The following ACOX1 variants were observed in gnomAD, a reference collection of about 807,000 sequenced individuals.
ACOX1 encodes peroxisomal acyl-coenzyme A oxidase 1.
Under a neutral mutation model 75.5 loss-of-function variants are expected in ACOX1, and 41 were observed. The observed-to-expected ratio is 0.54, with a 90% CI of 0.42 to 0.70. ACOX1 has a LOEUF of 0.70. Ranked by LOEUF, ACOX1 falls within the 30% of genes least tolerant of loss-of-function variation. The pLI, the probability that ACOX1 is intolerant of heterozygous loss-of-function variation, is 0.00. For missense variants in ACOX1, 630 were observed against 837.5 expected (o/e 0.75, Z 3.06); for synonymous variants, 303 against 298.8 (o/e 1.01, Z -0.15).
Position 75,955,645 on chromosome 17 carries a change from T to C in ACOX1, c.695A>G (p.Tyr232Cys), listed in dbSNP as rs554409907. The change falls in exon 6 of 14, where the codon TAT becomes TGT. Residue 232 changes from tyrosine to cysteine, a missense_variant. Transcript: ENST00000293217. ...TVGDIGPKFG[Y>C]DEIDNGYLKM... ...GAGGTAGCCATTGTCTATCTCATCATAACCAAATTTGGGGCCGATGTCACC... is the reference window on the plus strand; with the variant it reads ...GAGGTAGCCATTGTCTATCTCATCACAACCAAATTTGGGGCCGATGTCACC... 6.2e-7 allele frequency: 1 copy of C among 1,614,224 alleles called. No homozygotes were observed. The highest frequency in any genetic ancestry group is 1.1e-5 in the South Asian group (1 of 91,092).
chr17:75,973,551 A>G, intron 2 of ACOX1: 1 of 1,522,198 alleles, frequency 6.6e-7, no homozygotes, highest in Admixed American at 1.7e-5. Context: ...CAGCAGAAAA[A>G]AGTCAAATGC....
intron 2 of ACOX1, among the ~76,000 whole-genome samples, chr17:75,976,367 C>A (rs752455214): frequency 2.0e-5 from 3 of 152,102 alleles, no homozygotes; most frequent in Non-Finnish European, 2.9e-5. Context: ...GTTATGAAAT[C>A]ATCTCTATCA....
chr17:75,956,687 C>CAA (rs60686701), intron 4 of ACOX1, among the ~76,000 whole-genome samples: 8,116 of 103,768 alleles, frequency 0.078, 716 homozygotes, highest in African/African-American at 0.25. Context: ...GACTCCATCT[C>CAA]AAAAAAAAAA....
In ACOX1 at chr17:75,960,370, A is replaced by G. The variant is rs747427388; in HGVS notation, c.275T>C (p.Val92Ala). ...CAGAGGCTCAGGCCGCCCTCGGTGC[A>G]CAAAACTTCGAGGAAATATCAAGGA... The part of the protein sequence containing the change: ...PDEIMWFKNF[V>A]HRGRPEPLDL... The change falls in exon 3 of 14, where the codon GTG becomes GCG. Residue 92 changes from valine to alanine, a missense_variant. Physicochemically the swap from Val to Ala is moderately conservative, Grantham distance 64. Coordinates refer to ENST00000293217, the MANE Select transcript of ACOX1 (RefSeq NM_004035.7). This position sits in a 1 kb window ranked among gnomAD's most constrained non-coding sequence, Gnocchi z 4.4. 1 of 1,613,720 alleles carries G rather than the reference A, an allele frequency of 6.2e-7. No individual in the cohort carries two copies. The highest frequency in any genetic ancestry group is 1.3e-5 in the African/African-American group (1 of 74,942).
intron 2 of ACOX1, among the ~76,000 whole-genome samples, chr17:75,969,792 A>G (rs1208566830): frequency 6.6e-6 from 1 of 152,174 alleles, no homozygotes; most frequent in Non-Finnish European, 1.5e-5. Context: ...TCCTAAATAG[A>G]TGGTAATACG....
intron 8 of ACOX1, 75 bp from the exon 9 acceptor site, chr17:75,951,039 C>T: frequency 1.4e-6 from 2 of 1,450,054 alleles, no homozygotes; most frequent in Non-Finnish European, 1.9e-6. Context: ...AAACACACCC[C>T]TCCTCTAACA....
intron 6 of ACOX1, 96 bp downstream of exon 6, chr17:75,955,470 C>T: frequency 9.6e-7 from 1 of 1,041,976 alleles, no homozygotes; most frequent in South Asian, 1.3e-5. Context: ...GCTGTTATTA[C>T]CTTCTAAAAG....
chr17:75,967,266 C>T (rs749635893), intron 2 of ACOX1, among the ~76,000 whole-genome samples: 12 of 151,854 alleles, frequency 7.9e-5, no homozygotes, highest in Non-Finnish European at 1.2e-4. Context: ...GTCAGGAGAT[C>T]GAGACCATCC....
chr17:75,965,936 C>A (rs372388662), intron 2 of ACOX1, among the ~76,000 whole-genome samples: 1 of 151,770 alleles, frequency 6.6e-6, no homozygotes, highest in Non-Finnish European at 1.5e-5. Flanking sequence ...TCGAGACCAG[C>A]CTGGCCAACA....
rs1309405150 is a variant in ACOX1, at chr17:75,955,748, C to T, written c.659-67G>A. The T allele has an allele frequency of 2.0e-5, 33 of 1,612,242 alleles. No homozygotes were observed. The East Asian group carries it at 7.1e-4, about 35-fold the overall frequency. ...GGAATTTCTGGCTTTTGCTCCGCCT[C>T]TTCAGTTGGGCATTCTACCTTTTGC... On this transcript the variant is annotated intron_variant, in intron 5 of 13. Coordinates refer to ENST00000293217, the MANE Select transcript of ACOX1 (RefSeq NM_004035.7).
Position 75,978,239 on chromosome 17 carries a change from C to G in ACOX1, c.269+295G>C, listed in dbSNP as rs551010013. ...CCTCCCGAGTAGCTGGAACTACAGG[C>G]GCCCGCCACCACGCCCGGCTAATTT... On this transcript the variant is annotated intron_variant, in intron 2 of 13. Transcript: ENST00000293217. This position sits in a 1 kb window ranked among gnomAD's most constrained non-coding sequence, Gnocchi z 4.2. Among the ~76,000 whole-genome samples, 1 of 152,156 alleles carries G rather than the reference C, an allele frequency of 6.6e-6. No individual in the cohort carries two copies. Among genetic ancestry groups the G allele is most frequent in the African/African-American group, 2.4e-5 (1 of 41,502 alleles).
chr17:75,943,684 A>C lies in ACOX1; in HGVS notation c.*3064T>G, dbSNP rs1402010868. 2 of 152,246 alleles carry C rather than the reference A, an allele frequency of 1.3e-5. No homozygotes were observed. Among genetic ancestry groups the C allele is most frequent in the African/African-American group, 4.8e-5 (2 of 41,462 alleles). 9.4% of individuals were successfully genotyped at this position (152,246 alleles called of 1,614,324 possible). On this transcript the variant is annotated 3_prime_UTR_variant, in exon 14 of 14. Transcript: ENST00000293217. ...TTCTGAAGATAAGCTGATACTTAGT[A>C]GTGATATGTTCTAAAGACAAGAACA...
At chr17:75,958,797 G>A (rs533339655) in intron 3 of ACOX1, among the ~76,000 whole-genome samples, 32 of 132,596 alleles carry the variant, frequency 2.4e-4, no homozygotes, top group Admixed American at 4.6e-4. Context: ...GACAGAGCAC[G>A]ACTCCGTCTC....
chr17:75,957,648 T>A, intron 3 of ACOX1, 82 bp from the exon 4 acceptor site: 1 of 1,011,344 alleles, frequency 9.9e-7, no homozygotes, highest in Non-Finnish European at 1.6e-6. Context: ...CACAGTCCTT[T>A]AAACTCTCAT....
At chr17:75,968,133 G>T (rs56188825) in intron 2 of ACOX1, among the ~76,000 whole-genome samples, 4 of 151,172 alleles carry the variant, frequency 2.6e-5, no homozygotes, top group Non-Finnish European at 5.9e-5. Context: ...AAAACATTAA[G>T]TGTTAGAAAT....
chr17:75,976,580 A>C (rs1470443445), intron 2 of ACOX1, among the ~76,000 whole-genome samples: 2 of 152,362 alleles, frequency 1.3e-5, no homozygotes, highest in East Asian at 3.8e-4. Context: ...TTCAAAAACA[A>C]AACAGACCAT....
chr17:75,965,031 T>A (rs1567883280), intron 2 of ACOX1, among the ~76,000 whole-genome samples: 1 of 151,922 alleles, frequency 6.6e-6, no homozygotes. Flanking sequence ...AGCTGCAGGC[T>A]ATAAGGGAAA....
At chr17:75,962,623 A>G (rs1567881801) in intron 2 of ACOX1, among the ~76,000 whole-genome samples, 2 of 152,174 alleles carry the variant, frequency 1.3e-5, no homozygotes, top group Non-Finnish European at 1.5e-5. Context: ...ACTTCTTCCA[A>G]TCTAGTGGCT....
intron 6 of ACOX1, 22 bp from the exon 7 acceptor site, chr17:75,953,642 G>A: frequency 6.2e-7 from 1 of 1,613,472 alleles, no homozygotes; most frequent in Non-Finnish European, 8.5e-7. Context: ...ACGTGGAACT[G>A]ATACTTCCTT....
Sources: gnomAD v4.1 joint callset for allele counts (sites outside exome capture counted in the v4.1 genomes callset) on GRCh38, gnomAD v4.1.1 for gene constraint, Gnocchi (gnomAD v3.1) non-coding constraint, MANE v1.5 for transcripts, NCBI Gene and HGNC (gene_info 2026-07-23, HGNC 2026-07-21) for gene names.